Variants in CNBD1 observed in about 807,000 individuals in gnomAD.
CNBD1 encodes the protein cyclic nucleotide binding domain containing 1.
A neutral mutation model predicts 54.4 loss-of-function variants in CNBD1; 71 were observed. The observed-to-expected ratio is 1.30, with a 90% confidence interval of 1.08 to 1.59. The LOEUF (loss-of-function observed/expected upper bound fraction) is 1.59, where lower values mean the gene tolerates loss of function less well. Ranked by LOEUF, CNBD1 falls within the 40% of genes most tolerant of loss-of-function variation. CNBD1 has a pLI of 0.00. For synonymous variants in CNBD1, 182 were observed against 170.7 expected (o/e 1.07, Z -0.51); for missense variants, 659 against 518.0 (o/e 1.27, Z -2.64).
intron 3 of CNBD1, among the ~76,000 whole-genome samples, chr8:86,917,707 G>A (rs75979940): frequency 0.062 from 9,453 of 152,126 alleles, 318 homozygotes; most frequent in African/African-American, 0.094. Flanking sequence ...GAGCCAACCT[G>A]CTGGCCACTC....
chr8:87,022,327 G>A (rs1809506446), intron 4 of CNBD1, among the ~76,000 whole-genome samples: 1 of 152,150 alleles, frequency 6.6e-6, no homozygotes, highest in African/African-American at 2.4e-5. Flanking sequence ...TGGGTTTTTT[G>A]TGGTTAGCTG....
At chr8:86,940,158 G>GTCTTTC (rs10644717) in intron 4 of CNBD1, among the ~76,000 whole-genome samples, 1 of 117,962 alleles carries the variant, frequency 8.5e-6, no homozygotes, top group African/African-American at 3.4e-5. Context: ...TTTTGAGACT[G>GTCTTTC]TTGCTCTTGT....
At chr8:87,383,370 C>T (rs113657108), downstream of CNBD1, among the ~76,000 whole-genome samples, 1,830 of 152,138 alleles carry the variant, frequency 0.012, 38 homozygotes, top group African/African-American at 0.039. Context: ...GAAAACCGTA[C>T]GTTTATTCAA....
chr8:87,417,552 C>G (rs997888843), intron 2 of CNBD1, among the ~76,000 whole-genome samples: 2 of 151,992 alleles, frequency 1.3e-5, no homozygotes, highest in African/African-American at 2.4e-5. Flanking sequence ...AACATTACCT[C>G]TCACGTCTCT....
At chr8:87,296,511 T>G (rs931790823) in intron 8 of CNBD1, among the ~76,000 whole-genome samples, 2 of 152,092 alleles carry the variant, frequency 1.3e-5, no homozygotes, top group Non-Finnish European at 2.9e-5. Context: ...TTGTGAATGG[T>G]GACATCTTGA....
chr8:87,256,666 A>T (rs1278379956), intron 6 of CNBD1, among the ~76,000 whole-genome samples: 1 of 151,922 alleles, frequency 6.6e-6, no homozygotes, highest in Non-Finnish European at 1.5e-5. Flanking sequence ...ATTTGGGGGA[A>T]ATTTGTTTTT....
At chr8:87,402,475 G>A (rs929208598) in intron 2 of CNBD1, among the ~76,000 whole-genome samples, 2 of 152,052 alleles carry the variant, frequency 1.3e-5, no homozygotes, top group Non-Finnish European at 2.9e-5. Context: ...ATTTGGGTTA[G>A]GCAATTTGGG....
intron 4 of CNBD1, among the ~76,000 whole-genome samples, chr8:87,052,695 G>C (rs553018220): frequency 6.6e-6 from 1 of 152,084 alleles, no homozygotes; most frequent in Non-Finnish European, 1.5e-5. Flanking sequence ...GAGACATGTT[G>C]TTTATCCCAA....
intron 8 of CNBD1, among the ~76,000 whole-genome samples, chr8:87,323,397 G>A (rs1377712118): frequency 2.9e-4 from 41 of 140,174 alleles, no homozygotes; most frequent in African/African-American, 8.4e-4. Flanking sequence ...ACCTTGGGCA[G>A]TACGGCCATT....
intron 8 of CNBD1, among the ~76,000 whole-genome samples, chr8:87,326,550 C>A (rs1406168035): frequency 8.5e-6 from 1 of 117,678 alleles, no homozygotes; most frequent in Admixed American, 8.3e-5. Flanking sequence ...TCATTTCATT[C>A]ATTTCATCTT....
intron 4 of CNBD1, among the ~76,000 whole-genome samples, chr8:87,003,471 A>ATC (rs1405999957): frequency 6.6e-6 from 1 of 152,218 alleles, no homozygotes; most frequent in Non-Finnish European, 1.5e-5. Context: ...CTGCTACTTA[A>ATC]TCACTATATG....
In CNBD1 at chr8:87,208,198, C is replaced by T. The variant is rs146160723; in HGVS notation, c.577+2060C>T. ...TTGTACCTTCTGGTCTCTTTTCTGG[C>T]CACTAGTTCTTAAAGCCTCATTATT... On this transcript the variant is annotated intron_variant, in intron 5 of 10. Transcript: ENST00000518476. 9.6e-4 allele frequency among the ~76,000 whole-genome samples: 146 copies of T among 152,226 alleles called. 2 individuals are homozygous for T. In the East Asian group the frequency reaches 0.023, roughly 24 times the overall value.
chr8:86,943,382 A>G (rs1190694868), intron 4 of CNBD1, among the ~76,000 whole-genome samples: 1 of 151,410 alleles, frequency 6.6e-6, no homozygotes, highest in East Asian at 1.9e-4. Flanking sequence ...AAAAAAAAAA[A>G]AAAAAAAAGA....
chr8:87,108,980 G>A (rs1006337516), intron 4 of CNBD1, among the ~76,000 whole-genome samples: 15 of 152,070 alleles, frequency 9.9e-5, no homozygotes, highest in African/African-American at 3.6e-4. Context: ...CTGATAAAAT[G>A]TTATTCTAAT....
chr8:87,395,192 C>A (rs76517373), intron 2 of CNBD1, among the ~76,000 whole-genome samples: 2,870 of 151,880 alleles, frequency 0.019, 92 homozygotes, highest in African/African-American at 0.063. Flanking sequence ...TCATTAGTAC[C>A]ACTTTTGCGT....
At chr8:87,275,301 A>G (rs1157945971) in intron 6 of CNBD1, among the ~76,000 whole-genome samples, 3 of 148,728 alleles carry the variant, frequency 2.0e-5, no homozygotes, top group African/African-American at 5.0e-5. Flanking sequence ...TTTTTTTCCA[A>G]TTCTGTGAAG....
At chr8:87,168,484 A>G (rs935355201) in intron 4 of CNBD1, among the ~76,000 whole-genome samples, 1 of 151,936 alleles carries the variant, frequency 6.6e-6, no homozygotes, top group East Asian at 1.9e-4. Flanking sequence ...ATTTTTGACT[A>G]TAGTCACCCT....
intron 4 of CNBD1, among the ~76,000 whole-genome samples, chr8:86,968,137 A>T (rs1001320575): frequency 4.0e-5 from 6 of 151,878 alleles, no homozygotes; most frequent in Admixed American, 6.6e-5. Context: ...GTCTGACAAA[A>T]CCCTATTCTG....
chr8:87,401,247 C>A (rs1807559895), intron 2 of CNBD1, among the ~76,000 whole-genome samples: 1 of 151,998 alleles, frequency 6.6e-6, no homozygotes, highest in Admixed American at 6.6e-5. Flanking sequence ...CTAAATCTCA[C>A]AGATGAGAAC....
Sources: allele counts gnomAD v4.1 joint callset (sites outside exome capture counted in the v4.1 genomes callset), GRCh38; gene constraint gnomAD v4.1.1; transcripts MANE v1.5; gene names NCBI Gene and HGNC (gene_info 2026-07-23, HGNC 2026-07-21).